The following DIP2B variants were observed in gnomAD, a reference collection of about 807,000 sequenced individuals.
DIP2B encodes disco-interacting protein 2 homolog B.
DIP2B carries 76 observed loss-of-function variants against 198.0 expected under a neutral mutation model. That is an observed-to-expected ratio of 0.38 (90% confidence interval 0.32 to 0.46). The LOEUF is 0.46. DIP2B is among the 20% of genes least tolerant of loss of function. The pLI is 0.99. For missense variants in DIP2B, 1,559 were observed against 1,978.4 expected, an observed-to-expected ratio of 0.79 and a Z score of 4.02; for synonymous variants, 701 against 739.1, an observed-to-expected ratio of 0.95 and a Z score of 0.84.
At chr12:50,540,185 T>A (rs1018999502) in intron 1 of DIP2B, among the ~76,000 whole-genome samples, 2 of 150,496 alleles carry the variant, frequency 1.3e-5, no homozygotes. Flanking sequence ...CTCGGCTCAT[T>A]GCATCCTGCA....
chr12:50,642,208 TC>T (rs1368344844), intron 3 of DIP2B, among the ~76,000 whole-genome samples: 3 of 152,098 alleles, frequency 2.0e-5, no homozygotes, highest in African/African-American at 7.2e-5. Context: ...AACAAAGACA[TC>T]CAAGCTGAGT....
chr12:50,593,091 C>T (rs773969949), intron 1 of DIP2B, among the ~76,000 whole-genome samples: 10 of 152,198 alleles, frequency 6.6e-5, no homozygotes, highest in Non-Finnish European at 5.9e-5. Context: ...GCTTCTACAG[C>T]CTTTCTCATT....
intron 1 of DIP2B, among the ~76,000 whole-genome samples, chr12:50,526,129 A>G (rs967879180): frequency 3.5e-4 from 53 of 152,322 alleles, no homozygotes; most frequent in African/African-American, 1.2e-3. Flanking sequence ...AGAAGACTCA[A>G]TAGACACTTG....
At chr12:50,570,677 T>C (rs1348145277) in intron 1 of DIP2B, among the ~76,000 whole-genome samples, 2 of 152,262 alleles carry the variant, frequency 1.3e-5, no homozygotes, top group Non-Finnish European at 2.9e-5. Flanking sequence ...GCCACTGCGA[T>C]GGGCTGGGCA....
intron 1 of DIP2B, among the ~76,000 whole-genome samples, chr12:50,620,589 CG>C (rs1479455828): frequency 6.6e-6 from 1 of 152,118 alleles, no homozygotes; most frequent in East Asian, 1.9e-4. Context: ...GGACAAAAGA[CG>C]TTACTCTAGT....
intron 3 of DIP2B, among the ~76,000 whole-genome samples, chr12:50,651,039 T>C (rs1182425664): frequency 6.6e-6 from 1 of 152,214 alleles, no homozygotes; most frequent in African/African-American, 2.4e-5. Flanking sequence ...TTCTAGTGGC[T>C]GTGAAGTAGT....
chr12:50,511,026 A>G (rs1324826379), intron 1 of DIP2B, among the ~76,000 whole-genome samples: 3 of 148,742 alleles, frequency 2.0e-5, no homozygotes, highest in South Asian at 2.1e-4. Context: ...GCTCACTGCA[A>G]CCTCTGCCTC....
At chr12:50,551,160 A>G (rs948910638) in intron 1 of DIP2B, among the ~76,000 whole-genome samples, 2 of 152,036 alleles carry the variant, frequency 1.3e-5, no homozygotes, top group Non-Finnish European at 1.5e-5. Flanking sequence ...GTGGTGGCTC[A>G]TGTCTGTAGT....
At chr12:50,561,753 G>A (rs560981932) in intron 1 of DIP2B, among the ~76,000 whole-genome samples, 50 of 152,236 alleles carry the variant, frequency 3.3e-4, no homozygotes, top group African/African-American at 1.1e-3. Context: ...GATTACAGGC[G>A]TGTGCAACCA....
intron 1 of DIP2B, among the ~76,000 whole-genome samples, chr12:50,538,839 T>C (rs1434211266): frequency 6.6e-6 from 1 of 152,166 alleles, no homozygotes; most frequent in Non-Finnish European, 1.5e-5. Context: ...CATAGTATTT[T>C]ATTACCAAAC....
chr12:50,665,612 TAAATA>T (rs1366846829), intron 4 of DIP2B, among the ~76,000 whole-genome samples: 4 of 152,042 alleles, frequency 2.6e-5, no homozygotes, highest in Non-Finnish European at 2.9e-5. Context: ...TTCATAGTGC[TAAATA>T]AAATAAAAAT....
intron 1 of DIP2B, among the ~76,000 whole-genome samples, chr12:50,545,227 T>G (rs1958365725): frequency 6.6e-6 from 1 of 152,140 alleles, no homozygotes; most frequent in Non-Finnish European, 1.5e-5. Context: ...TCCAAAGTGT[T>G]TATACCGATT....
At chr12:50,549,818 C>T (rs1238096737) in intron 1 of DIP2B, among the ~76,000 whole-genome samples, 1 of 150,032 alleles carries the variant, frequency 6.7e-6, no homozygotes, top group African/African-American at 2.4e-5. Flanking sequence ...AAATAGATAG[C>T]TTAAGTCTGT....
intron 2 of DIP2B, among the ~76,000 whole-genome samples, chr12:50,633,017 G>A (rs757912390): frequency 5.3e-5 from 8 of 151,758 alleles, no homozygotes; most frequent in Non-Finnish European, 1.0e-4. Context: ...GGGCTCAAGC[G>A]ATCCTTCTGC....
intron 32 of DIP2B, 90 bp from the exon 33 acceptor site, chr12:50,734,045 C>T: frequency 3.5e-6 from 5 of 1,423,450 alleles, no homozygotes; most frequent in Non-Finnish European, 5.0e-6. Flanking sequence ...GTGGATTTTT[C>T]ATGTATATGG....
rs1940331039 is a variant in DIP2B at position 50,745,588 on chromosome 12, T to A, written c.*749T>A. 6.6e-6 allele frequency: 1 copy of A among 152,586 alleles called. No individual in the cohort carries two copies. The highest frequency in any genetic ancestry group is 6.5e-5 in the Admixed American group (1 of 15,282). The allele number at this position is 152,586 out of a possible 1,614,324, so 9.5% of individuals were successfully genotyped here. Reference sequence around the variant, plus strand: ...CACATTGTTCTATGTCTTTGTTGGCTGGTGTATTTTATAAACTAAAGCTGC... The same window carrying A: ...CACATTGTTCTATGTCTTTGTTGGCAGGTGTATTTTATAAACTAAAGCTGC... On this transcript the variant is annotated 3_prime_UTR_variant, in exon 38 of 38. Coordinates refer to ENST00000301180, the MANE Select transcript of DIP2B (RefSeq NM_173602.3).
Position 50,674,696 on chromosome 12 carries a change from G to A in DIP2B, c.796+67G>A, listed in dbSNP as rs956535956. On this transcript the variant is annotated intron_variant, in intron 6 of 37. Coordinates refer to ENST00000301180, the MANE Select transcript of DIP2B (RefSeq NM_173602.3). ...AACTAGAAAAATTCAAATTATGAAT[G>A]ATAGCTCCTAACTAGCCCAGCAGCT... 1.1e-5 allele frequency: 17 copies of A among 1,586,070 alleles called. No individual in the cohort carries two copies. The African/African-American group carries it at 2.2e-4, about 20-fold the overall frequency.
intron 19 of DIP2B, among the ~76,000 whole-genome samples, chr12:50,703,774 A>G (rs1939463545): frequency 6.6e-6 from 1 of 152,020 alleles, no homozygotes; most frequent in Admixed American, 6.6e-5. Flanking sequence ...CCTGTCCCCC[A>G]TGGAGTGGCT....
At chr12:50,554,000 A>G (rs955567460) in intron 1 of DIP2B, among the ~76,000 whole-genome samples, 6 of 152,150 alleles carry the variant, frequency 3.9e-5, no homozygotes, top group South Asian at 2.1e-4. Context: ...ATTTAATAGA[A>G]TTTTATTTCT....
Sources: gnomAD v4.1 joint callset for allele counts (sites outside exome capture counted in the v4.1 genomes callset) on GRCh38, gnomAD v4.1.1 for gene constraint, MANE v1.5 for transcripts, NCBI Gene and HGNC (gene_info 2026-07-23, HGNC 2026-07-21) for gene names.